XKR9: variants seen among roughly 807,000 people sequenced by gnomAD.
The protein encoded by XKR9 is XK-related protein 9.
XKR9 carries 32 observed loss-of-function variants against 32.0 expected under a neutral mutation model. The ratio of observed to expected loss-of-function variants is 1.00; its 90% CI spans 0.76 to 1.34. The LOEUF (loss-of-function observed/expected upper bound fraction) is 1.34, where lower values mean the gene tolerates loss of function less well. Among genes scored for constraint, XKR9 ranks in the 40% most tolerant of loss-of-function variants. XKR9 has a pLI of 0.00. For missense variants in XKR9, 546 were observed against 429.7 expected (o/e 1.27, Z -2.39); for synonymous variants, 168 against 143.4 (o/e 1.17, Z -1.22).
At chr8:70,739,380 T>G (rs1806924909), downstream of XKR9, among the ~76,000 whole-genome samples, 1 of 152,334 alleles carries the variant, frequency 6.6e-6, no homozygotes, top group African/African-American at 2.4e-5. Context: ...TGAGATGGGT[T>G]TCCTGAATAC....
chr8:70,966,190 A>C, the XKR9 span, among the ~76,000 whole-genome samples: 4 of 152,074 alleles, frequency 2.6e-5, no homozygotes, highest in African/African-American at 4.8e-5. Context: ...GTCATTCAGT[A>C]GCAGGTTGTT....
the XKR9 span, among the ~76,000 whole-genome samples, chr8:70,945,158 T>G: frequency 6.6e-6 from 1 of 152,228 alleles, no homozygotes; most frequent in Non-Finnish European, 1.5e-5. Context: ...ATATATTGAA[T>G]CTCTCTAACT....
At chr8:70,876,061 T>C in the XKR9 span, among the ~76,000 whole-genome samples, 1 of 152,268 alleles carries the variant, frequency 6.6e-6, no homozygotes, top group Admixed American at 6.5e-5. Context: ...ATTGGATTCT[T>C]AGAGTGGTAT....
chr8:70,766,928 T>G (rs867306645), intron 2 of XKR9, among the ~76,000 whole-genome samples: 4 of 152,378 alleles, frequency 2.6e-5, no homozygotes, highest in Middle Eastern at 6.8e-3. Flanking sequence ...GAACTAACCA[T>G]GCATCCCACG....
chr8:70,774,231 A>G (rs910158386), intron 2 of XKR9, among the ~76,000 whole-genome samples: 1 of 152,204 alleles, frequency 6.6e-6, no homozygotes, highest in Non-Finnish European at 1.5e-5. Context: ...AAAACAGTAA[A>G]TTATGTGCTA....
intron 2 of XKR9, among the ~76,000 whole-genome samples, chr8:70,773,266 C>T (rs1479047155): frequency 2.0e-5 from 3 of 152,160 alleles, no homozygotes. Flanking sequence ...GGCATGTTTA[C>T]AGATATGGAT....
rs565659539 is a variant in XKR9 at position 70,684,887 on chromosome 8, A to T, written c.272+3557A>T. Among the ~76,000 whole-genome samples the T allele has an allele frequency of 2.3e-3, 345 of 148,226 alleles. 1 individual carries two copies. Among genetic ancestry groups the T allele is most frequent in the Non-Finnish European group, 3.8e-3 (258 of 67,228 alleles). On this transcript the variant is annotated intron_variant, in intron 3 of 4. Coordinates refer to ENST00000408926, the MANE Select transcript of XKR9 (RefSeq NM_001011720.2). ...TGTGGAGAAATAGGAACACTTTTAC[A>T]CTGTTGCTGGGACTGTAAACTAGTT...
the XKR9 span, among the ~76,000 whole-genome samples, chr8:70,808,952 T>G: frequency 6.6e-6 from 1 of 152,168 alleles, no homozygotes; most frequent in South Asian, 2.1e-4. Context: ...GAGTAGTGGT[T>G]CTCCCAGCAT....
the XKR9 span, among the ~76,000 whole-genome samples, chr8:70,844,218 G>C: frequency 1.3e-5 from 2 of 152,228 alleles, no homozygotes; most frequent in African/African-American, 2.4e-5. Flanking sequence ...AGTAGCTGCT[G>C]TTGCAGCTGA....
chr8:71,009,760 G>A, the XKR9 span, among the ~76,000 whole-genome samples: 1 of 152,096 alleles, frequency 6.6e-6, no homozygotes, highest in Non-Finnish European at 1.5e-5. Flanking sequence ...CAGAATCTAG[G>A]CAGCCTGAAA....
At chr8:70,859,865 T>C in the XKR9 span, among the ~76,000 whole-genome samples, 1 of 151,446 alleles carries the variant, frequency 6.6e-6, no homozygotes, top group African/African-American at 2.4e-5. Context: ...TGAAGAGAGG[T>C]TGCTTAATGG....
intron 3 of XKR9, 96 bp downstream of exon 3, chr8:70,681,426 C>A (rs1003166345): frequency 1.4e-6 from 2 of 1,407,100 alleles, no homozygotes; most frequent in African/African-American, 2.9e-5. Context: ...GTACAAAGAT[C>A]CCTTATTTGC....
chr8:70,673,175 T>C (rs1326923310), intron 1 of XKR9, among the ~76,000 whole-genome samples: 2 of 152,236 alleles, frequency 1.3e-5, no homozygotes, highest in East Asian at 1.9e-4. Context: ...TATTTTCTTC[T>C]AGTAGTTTTA....
chr8:70,880,236 C>T, the XKR9 span, among the ~76,000 whole-genome samples: 1 of 152,148 alleles, frequency 6.6e-6, no homozygotes, highest in Non-Finnish European at 1.5e-5. Flanking sequence ...CCCTCTCTCA[C>T]CACTCCTATT....
the XKR9 span, among the ~76,000 whole-genome samples, chr8:70,809,964 G>A: frequency 3.0e-4 from 45 of 152,134 alleles, no homozygotes; most frequent in Non-Finnish European, 6.2e-4. Context: ...TCCTCGAGAA[G>A]AGCAACTCCA....
chr8:70,936,691 C>T, the XKR9 span, among the ~76,000 whole-genome samples: 2 of 151,832 alleles, frequency 1.3e-5, no homozygotes, highest in African/African-American at 4.8e-5. Flanking sequence ...TAGTCTAAAC[C>T]ACTGTTGATT....
At chr8:70,731,078 C>A (rs1806647679) in intron 4 of XKR9, among the ~76,000 whole-genome samples, 1 of 152,132 alleles carries the variant, frequency 6.6e-6, no homozygotes, top group South Asian at 2.1e-4. Context: ...TAAAAGCAGC[C>A]TTATAGGGGC....
At chr8:70,837,507 A>G in the XKR9 span, among the ~76,000 whole-genome samples, 3 of 152,110 alleles carry the variant, frequency 2.0e-5, no homozygotes, top group Non-Finnish European at 4.4e-5. Context: ...ACATTTTGGG[A>G]GCAGGATAAA....
chr8:70,674,250 A>G (rs111647827), intron 1 of XKR9, among the ~76,000 whole-genome samples: 1 of 152,202 alleles, frequency 6.6e-6, no homozygotes, highest in Admixed American at 6.5e-5. Flanking sequence ...GGGGAGAAAC[A>G]TACTGGGATG....
Sources: allele counts gnomAD v4.1 joint callset (sites outside exome capture counted in the v4.1 genomes callset), GRCh38; gene constraint gnomAD v4.1.1; transcripts MANE v1.5; gene names NCBI Gene and HGNC (gene_info 2026-07-23, HGNC 2026-07-21).